The following ARHGAP12 variants were observed in gnomAD, a reference collection of about 807,000 sequenced individuals.
ARHGAP12 encodes the protein rho GTPase-activating protein 12.
Under a neutral mutation model 108.6 loss-of-function variants are expected in ARHGAP12, and 64 were observed. The observed-to-expected ratio is 0.59, with a 90% CI of 0.48 to 0.73. ARHGAP12 has a LOEUF of 0.73. Ranked by LOEUF, ARHGAP12 falls within the 30% of genes least tolerant of loss-of-function variation. ARHGAP12 has a pLI of 0.00. For missense variants in ARHGAP12, 940 were observed against 1,005.9 expected (o/e 0.93, Z 0.89); for synonymous variants, 312 against 337.2 (o/e 0.93, Z 0.82).
intron 3 of ARHGAP12, among the ~76,000 whole-genome samples, chr10:31,892,508 G>C (rs1838491226): frequency 6.6e-6 from 1 of 152,174 alleles, no homozygotes; most frequent in East Asian, 1.9e-4. Flanking sequence ...GACAAAGAAG[G>C]CAATTACATA....
chr10:31,831,683 ATTT>A (rs1032099212), intron 10 of ARHGAP12, 53 bp downstream of exon 10: 25 of 1,224,266 alleles, frequency 2.0e-5, no homozygotes, highest in South Asian at 4.3e-5. Context: ...TATATTGAGA[ATTT>A]TTAATTTATT....
chr10:31,871,655 T>C (rs1837547069), intron 3 of ARHGAP12, among the ~76,000 whole-genome samples: 1 of 152,208 alleles, frequency 6.6e-6, no homozygotes, highest in Admixed American at 6.6e-5. Flanking sequence ...GATGAAGTCA[T>C]CTCTCTGCTA....
intron 1 of ARHGAP12, among the ~76,000 whole-genome samples, chr10:31,914,754 G>A (rs1839486289): frequency 6.6e-6 from 1 of 152,166 alleles, no homozygotes; most frequent in African/African-American, 2.4e-5. Flanking sequence ...CATTAAAAAT[G>A]GAACTACTAT....
rs563582369 is a variant in ARHGAP12, at chr10:31,839,312, C to T, written c.1379G>A (p.Ser460Asn). The T allele has an allele frequency of 2.6e-4, 411 of 1,610,700 alleles. 6 individuals carry two copies. The South Asian group carries it at 4.0e-3, about 16-fold the overall frequency. The change falls in exon 9 of 20, where the codon AGT (serine) becomes AAT (asparagine). Residue 460 changes from serine (S) to asparagine (N), a missense_variant. Ser to Asn is a conservative substitution (Grantham distance 46, BLOSUM62 1). Transcript: ENST00000344936. ...SSPKHQDTAS[S>N]PKDQEKYGLL... The stretch of plus-strand genomic sequence containing the variant: ...GAGAGGATTGCTTCTTACCTTTGGA[C>T]TGCTGGCCTGAGGAAAAAAAGAGTA...
At position 31,883,141 on chromosome 10, in the gene ARHGAP12, C is replaced by CA. The variant is rs554800465; in HGVS notation, c.685-21484dup. On this transcript the variant is annotated intron_variant, in intron 3 of 19. Coordinates refer to ENST00000344936, the MANE Select transcript of ARHGAP12 (RefSeq NM_018287.7). ...AGAAACCCCATCTCTACTAAAAATACAAAACTAGCCAGGCGTGGTGGCACA... is the reference window on the plus strand; with the variant it reads ...AGAAACCCCATCTCTACTAAAAATACAAAAACTAGCCAGGCGTGGTGGCACA... 1.6e-3 allele frequency among the ~76,000 whole-genome samples: 247 copies of CA among 151,234 alleles called. 2 individuals carry two copies. The highest frequency in any genetic ancestry group is 2.3e-3 in the Non-Finnish European group (154 of 67,704).
chr10:31,923,761 A>T (rs1433857081), intron 1 of ARHGAP12, among the ~76,000 whole-genome samples: 1 of 152,238 alleles, frequency 6.6e-6, no homozygotes, highest in Non-Finnish European at 1.5e-5. Flanking sequence ...AGTGACAGAA[A>T]GCAGAGCAAT....
chr10:31,868,583 C>T (rs1411635092), intron 3 of ARHGAP12, among the ~76,000 whole-genome samples: 6 of 151,948 alleles, frequency 3.9e-5, no homozygotes, highest in African/African-American at 1.5e-4. Flanking sequence ...ATTCTTGGGC[C>T]ACATTCCAGA....
intron 3 of ARHGAP12, among the ~76,000 whole-genome samples, chr10:31,875,308 C>T (rs2065443): frequency 6.6e-6 from 1 of 151,858 alleles, no homozygotes; most frequent in Non-Finnish European, 1.5e-5. Context: ...GGTCAATACT[C>T]AAAACTTAAA....
intron 13 of ARHGAP12, among the ~76,000 whole-genome samples, chr10:31,815,003 C>A (rs1009764475): frequency 6.6e-6 from 1 of 151,496 alleles, no homozygotes; most frequent in South Asian, 2.1e-4. Flanking sequence ...GCCTGTAGTC[C>A]CAGCTACTTG....
intron 4 of ARHGAP12, among the ~76,000 whole-genome samples, chr10:31,858,599 C>T (rs1836984146): frequency 6.6e-6 from 1 of 152,126 alleles, no homozygotes; most frequent in African/African-American, 2.4e-5. Context: ...ATCAGTAGCA[C>T]GTCTCCCATT....
chr10:31,888,122 C>T (rs937607070), intron 3 of ARHGAP12, among the ~76,000 whole-genome samples: 1 of 152,156 alleles, frequency 6.6e-6, no homozygotes, highest in African/African-American at 2.4e-5. Flanking sequence ...GTACAGAATA[C>T]ATATACGTGG....
intron 3 of ARHGAP12, among the ~76,000 whole-genome samples, chr10:31,883,624 C>T (rs2808078): frequency 0.52 from 79,274 of 152,022 alleles, 21,057 homozygotes; most frequent in African/African-American, 0.6. Flanking sequence ...TTGTCATTCC[C>T]ATTTTTGCAC....
rs550657335 is a variant in ARHGAP12, at chr10:31,806,708, GCA to G, written c.*948_*949del. The stretch of plus-strand genomic sequence containing the variant: ...GTAAATGTAGTTAATATCTAAAAGT[GCA>G]CACAGTTAACTTTCCCAAATAACGG... On this transcript the variant is annotated 3_prime_UTR_variant, in exon 20 of 20. Transcript: ENST00000344936. 2.3e-3 allele frequency: 352 copies of G among 152,598 alleles called. 1 individual carries two copies. The highest frequency in any genetic ancestry group is 2.9e-3 in the East Asian group (15 of 5,186). 9.5% of individuals were successfully genotyped at this position (152,598 alleles called of 1,614,324 possible). A position where few individuals can be genotyped will look rare whatever the true frequency, so the allele number is the denominator to read the frequency against.
Position 31,902,982 on chromosome 10 carries a change from A to T in ARHGAP12, c.684+5190T>A, listed in dbSNP as rs908057291. On this transcript the variant is annotated intron_variant, in intron 3 of 19. Transcript: ENST00000344936. The stretch of plus-strand genomic sequence containing the variant: ...TAGAACAACAGACTGACCTACCTCA[A>T]GCAAAAAGATATTCTGCCACCAGAC... Among the ~76,000 whole-genome samples the T allele has an allele frequency of 3.3e-5, 5 of 152,192 alleles. No individual in the cohort carries two copies. In the South Asian group the frequency reaches 1.0e-3, roughly 31 times the overall value.
intron 3 of ARHGAP12, among the ~76,000 whole-genome samples, chr10:31,868,645 A>G (rs372970160): frequency 3.3e-5 from 5 of 152,208 alleles, no homozygotes; most frequent in African/African-American, 1.2e-4. Flanking sequence ...TCAAGAATTT[A>G]TATTTTAGGG....
chr10:31,908,330 A>G lies in ARHGAP12; in HGVS notation c.526T>C (p.Ser176Pro), dbSNP rs779197549. The G allele has an allele frequency of 8.7e-6, 14 of 1,614,046 alleles. No homozygotes were observed. Among genetic ancestry groups the G allele is most frequent in the Admixed American group, 1.7e-5 (1 of 59,998 alleles). The stretch of plus-strand genomic sequence containing the variant: ...TCTGGACCGGGAAAATGACCAAATG[A>G]GCGTGTCCTATTCTGGCTGGAAACT... The part of the protein sequence containing the change: ...PKVSSQNRTR[S>P]FGHFPGPEFL... Residue 176 changes from serine to proline, a missense_variant, in exon 3 of 20, where the codon TCA becomes CCA. Coordinates refer to ENST00000344936, the MANE Select transcript of ARHGAP12 (RefSeq NM_018287.7).
chr10:31,829,094 G>A (rs1835733329), intron 10 of ARHGAP12, among the ~76,000 whole-genome samples: 1 of 152,130 alleles, frequency 6.6e-6, no homozygotes, highest in Non-Finnish European at 1.5e-5. Context: ...GGAGGTTGCA[G>A]TGACCCAAGA....
In ARHGAP12 at chr10:31,922,619, A is replaced by T. The variant is rs374539004; in HGVS notation, c.-111+6064T>A. 1.0e-3 allele frequency among the ~76,000 whole-genome samples: 152 copies of T among 152,280 alleles called. 2 individuals are homozygous for T. The Middle Eastern group carries it at 0.014, about 14-fold the overall frequency. ...AACCAAAGCTTGCTAAAGAATAAAC[A>T]GATAACCTGAATACTCCTATATCTA... is the stretch of plus-strand genomic sequence containing the variant. On this transcript the variant is annotated intron_variant, in intron 1 of 19. Transcript: ENST00000344936.
intron 6 of ARHGAP12, among the ~76,000 whole-genome samples, chr10:31,848,923 T>G (rs927113538): frequency 1.3e-5 from 2 of 152,040 alleles, no homozygotes; most frequent in African/African-American, 2.4e-5. Flanking sequence ...ATACAAAAAT[T>G]AGCCAGGTGT....
Sources: gnomAD v4.1 joint callset for allele counts (sites outside exome capture counted in the v4.1 genomes callset) on GRCh38, gnomAD v4.1.1 for gene constraint, MANE v1.5 for transcripts, NCBI Gene and HGNC (gene_info 2026-07-23, HGNC 2026-07-21) for gene names.